CAV1: variants seen among roughly 807,000 people sequenced by gnomAD.
CAV1 encodes the protein caveolin-1.
A neutral mutation model predicts 16.5 loss-of-function variants in CAV1; 10 were observed. The observed-to-expected ratio is 0.61, with a 90% CI of 0.37 to 1.03. The LOEUF (loss-of-function observed/expected upper bound fraction) is 1.03. Among genes scored for constraint, CAV1 ranks in the 50% least tolerant of loss-of-function variants. The pLI, the probability that CAV1 is intolerant of heterozygous loss-of-function variation, is 0.01. For missense variants in CAV1, 212 were observed against 232.8 expected, an observed-to-expected ratio of 0.91 and a Z score of 0.58; for synonymous variants, 76 against 85.1, an observed-to-expected ratio of 0.89 and a Z score of 0.59.
chr7:116,535,759 T>C (rs768979338), intron 2 of CAV1, among the ~76,000 whole-genome samples: 1 of 152,238 alleles, frequency 6.6e-6, no homozygotes, highest in South Asian at 2.1e-4. Flanking sequence ...GTTTTCTTTA[T>C]TGAACCTCGA....
At chr7:116,555,443 AAAAG>A (rs1794241896) in intron 2 of CAV1, among the ~76,000 whole-genome samples, 2 of 118,992 alleles carry the variant, frequency 1.7e-5, no homozygotes, top group Non-Finnish European at 3.4e-5. Flanking sequence ...TGTCTCCAAA[AAAAG>A]AAAGGAAGGA....
At chr7:116,525,271 G>T in intron 1 of CAV1, 179 bp downstream of exon 1, 2 of 1,582,082 alleles carry the variant, frequency 1.3e-6, no homozygotes, top group East Asian at 2.3e-5. Context: ...GAGAAGCCAG[G>T]AATGTTTTAT....
Position 116,526,271 on chromosome 7 carries a change from G to C in CAV1, c.31-254G>C, listed in dbSNP as rs1055619627. 1.0e-5 allele frequency: 13 copies of C among 1,259,468 alleles called. No homozygotes were observed. The Admixed American group carries it at 2.8e-4, about 27-fold the overall frequency. 78.0% of individuals were successfully genotyped at this position (1,259,468 alleles called of 1,614,324 possible). On this transcript the variant is annotated intron_variant, in intron 1 of 2. Coordinates refer to ENST00000341049, the MANE Select transcript of CAV1 (RefSeq NM_001753.5). ...CCTGCCCTGACCCCTGGCGGCGGGC[G>C]GGGGAGGCAGGCGCGCCCTGCAGAG... is the stretch of plus-strand genomic sequence containing the variant.
In CAV1 at chr7:116,540,058, C is replaced by G. The variant is rs951414454; in HGVS notation, c.195+13369C>G. The stretch of plus-strand genomic sequence containing the variant: ...GGACAAGGCCACAGCTTTGAGAAAC[C>G]GAAGCCTCTGCTTCCTTCTCTTTGG... On this transcript the variant is annotated intron_variant, in intron 2 of 2. Coordinates refer to ENST00000341049, the MANE Select transcript of CAV1 (RefSeq NM_001753.5). Among the ~76,000 whole-genome samples, 4 of 152,170 alleles carry G rather than the reference C, an allele frequency of 2.6e-5. No homozygotes were observed. In the South Asian group the frequency reaches 8.3e-4, roughly 31 times the overall value.
chr7:116,536,741 C>G (rs956397711), intron 2 of CAV1, among the ~76,000 whole-genome samples: 1 of 152,164 alleles, frequency 6.6e-6, no homozygotes, highest in African/African-American at 2.4e-5. Flanking sequence ...CGGTGGCTCA[C>G]GCCTGTAATC....
At chr7:116,526,231 G>C (rs1472403378) in intron 1 of CAV1, 10 of 1,077,502 alleles carry the variant, frequency 9.3e-6, no homozygotes, top group Non-Finnish European at 1.1e-5. Context: ...GGGGCCTTCG[G>C]ACCGCGCGGC....
chr7:116,545,198 G>A (rs558273821), intron 2 of CAV1, among the ~76,000 whole-genome samples: 1 of 152,286 alleles, frequency 6.6e-6, no homozygotes, highest in East Asian at 1.9e-4. Flanking sequence ...AGTTTTAGTT[G>A]TCACGATTTG....
chr7:116,547,856 C>G (rs1443904063), intron 2 of CAV1, among the ~76,000 whole-genome samples: 3 of 152,196 alleles, frequency 2.0e-5, no homozygotes, highest in Admixed American at 6.5e-5. Flanking sequence ...TAGGTACTAT[C>G]ATACCGCATC....
chr7:116,558,961 G>A lies in CAV1; in HGVS notation c.211G>A (p.Val71Met), dbSNP rs758349129. Residue 71 changes from valine to methionine, a missense_variant, in exon 3 of 3, where the codon GTG (valine) becomes ATG (methionine). Physicochemically the swap from Val to Met is conservative, Grantham distance 21. Transcript: ENST00000341049. ...DDVVKIDFEDVIAEPEGTHSF... is the reference protein window; with the variant it reads ...DDVVKIDFEDMIAEPEGTHSF... Reference sequence around the variant, plus strand: ...TTCCTTTTAGATTGACTTTGAAGATGTGATTGCAGAACCAGAAGGGACACA... The same window carrying A: ...TTCCTTTTAGATTGACTTTGAAGATATGATTGCAGAACCAGAAGGGACACA... 8.1e-6 allele frequency: 13 copies of A among 1,613,070 alleles called. No homozygotes were observed. In the Admixed American group the frequency reaches 1.0e-4, roughly 12 times the overall value.
rs569620332 is a variant in CAV1 at position 116,537,987 on chromosome 7, C to A, written c.195+11298C>A. On this transcript the variant is annotated intron_variant, in intron 2 of 2. Transcript: ENST00000341049. ...TAGAATCGCTTAAGTCTTTAAAGTG[C>A]CCCTGATCACCCAAGTTGGCCAGAG... Among the ~76,000 whole-genome samples the A allele has an allele frequency of 2.6e-5, 4 of 152,288 alleles. No homozygotes were observed. In the South Asian group the frequency reaches 8.3e-4, roughly 32 times the overall value.
chr7:116,549,942 A>G (rs1344159946), intron 2 of CAV1, among the ~76,000 whole-genome samples: 1 of 152,162 alleles, frequency 6.6e-6, no homozygotes, highest in East Asian at 1.9e-4. Context: ...ACCTTCCTTC[A>G]ATGGGGAAAT....
In CAV1 at chr7:116,555,623, G is replaced by A. The variant is rs201464487; in HGVS notation, c.196-3323G>A. On this transcript the variant is annotated intron_variant, in intron 2 of 2. Transcript: ENST00000341049. ...AAGAAAGAGAAAGAAAGAAAGAAGGGAGGGAGGGAGGGAGAGGAGAGAAAG... is the reference window on the plus strand; with the variant it reads ...AAGAAAGAGAAAGAAAGAAAGAAGGAAGGGAGGGAGGGAGAGGAGAGAAAG... Among the ~76,000 whole-genome samples the A allele has an allele frequency of 8.9e-3, 1,087 of 122,570 alleles. 86 individuals are homozygous for A. Among genetic ancestry groups the A allele is most frequent in the East Asian group, 0.063 (206 of 3,282 alleles). 80.4% of individuals were successfully genotyped at this position (122,570 alleles called of 152,430 possible).
At chr7:116,554,668 C>G (rs1794226456) in intron 2 of CAV1, among the ~76,000 whole-genome samples, 1 of 152,100 alleles carries the variant, frequency 6.6e-6, no homozygotes, top group African/African-American at 2.4e-5. Flanking sequence ...ATTGTGAGAA[C>G]ATACCATTCA....
chr7:116,540,406 T>C lies in CAV1; in HGVS notation c.195+13717T>C, dbSNP rs76410098. Reference sequence around the variant, plus strand: ...TTTTACTGTAATAATATAAGACTCATCAATTTGACTCCAAATAGCTTTCCT... The same window carrying C: ...TTTTACTGTAATAATATAAGACTCACCAATTTGACTCCAAATAGCTTTCCT... On this transcript the variant is annotated intron_variant, in intron 2 of 2. Coordinates refer to ENST00000341049, the MANE Select transcript of CAV1 (RefSeq NM_001753.5). 4.7e-4 allele frequency among the ~76,000 whole-genome samples: 71 copies of C among 152,268 alleles called. 1 individual carries two copies. Among genetic ancestry groups the C allele is most frequent in the African/African-American group, 1.5e-3 (63 of 41,570 alleles).
intron 1 of CAV1, chr7:116,525,685 C>A: frequency 3.7e-6 from 4 of 1,088,398 alleles, no homozygotes; most frequent in Non-Finnish European, 3.4e-6. Flanking sequence ...ACTTCCAACG[C>A]CCTCCACGCG....
chr7:116,525,477 G>T (rs1397987413), intron 1 of CAV1: 1 of 1,317,372 alleles, frequency 7.6e-7, no homozygotes, highest in African/African-American at 1.5e-5. Context: ...CAGGGTGGAG[G>T]TGTTATTTAC....
chr7:116,560,478 G>T lies in CAV1; in HGVS notation c.*1191G>T, dbSNP rs1794388486. Reference sequence around the variant, plus strand: ...TAAAGCACTTGCAACCGTCTGTTATGCTGTGACACATGGCCCCTCCCCCTG... The same window carrying T: ...TAAAGCACTTGCAACCGTCTGTTATTCTGTGACACATGGCCCCTCCCCCTG... On this transcript the variant is annotated 3_prime_UTR_variant, in exon 3 of 3. Transcript: ENST00000341049. 6.6e-6 allele frequency: 1 copy of T among 152,182 alleles called. No homozygotes were observed. The highest frequency in any genetic ancestry group is 1.5e-5 in the Non-Finnish European group (1 of 68,042). The allele number at this position is 152,182 out of a possible 1,614,324, so 9.4% of individuals were successfully genotyped here.
At chr7:116,544,284 C>T (rs1793997782) in intron 2 of CAV1, among the ~76,000 whole-genome samples, 1 of 152,182 alleles carries the variant, frequency 6.6e-6, no homozygotes, top group Admixed American at 6.5e-5. Flanking sequence ...TCAGAATTCT[C>T]CTTTCCCTGG....
chr7:116,540,308 G>A (rs1370133615), intron 2 of CAV1, among the ~76,000 whole-genome samples: 1 of 152,146 alleles, frequency 6.6e-6, no homozygotes, highest in Non-Finnish European at 1.5e-5. Context: ...ATTGGTGTCT[G>A]TGCCAAGTGA....
Sources: allele counts gnomAD v4.1 joint callset (sites outside exome capture counted in the v4.1 genomes callset), GRCh38; gene constraint gnomAD v4.1.1; transcripts MANE v1.5; gene names NCBI Gene and HGNC (gene_info 2026-07-23, HGNC 2026-07-21).